The following EPB41L4A variants were observed in gnomAD, a reference collection of about 807,000 sequenced individuals.
The protein encoded by EPB41L4A is band 4.1-like protein 4A.
Under a neutral mutation model 108.6 loss-of-function variants are expected in EPB41L4A, and 100 were observed. That is an observed-to-expected ratio of 0.92 (90% CI 0.78 to 1.09). The LOEUF (loss-of-function observed/expected upper bound fraction) is 1.09. Among genes scored for constraint, EPB41L4A ranks in the 50% least tolerant of loss-of-function variants. EPB41L4A has a pLI of 0.00. For missense variants in EPB41L4A, 1,030 were observed against 842.7 expected (o/e 1.22, Z -2.75); for synonymous variants, 319 against 289.0 (o/e 1.10, Z -1.05).
chr5:112,146,208 C>T (rs1350973031), intron 12 of EPB41L4A, among the ~76,000 whole-genome samples: 2 of 152,186 alleles, frequency 1.3e-5, no homozygotes, highest in Non-Finnish European at 2.9e-5. Context: ...CAAACTTCTG[C>T]CTTTCAGCCA....
chr5:112,181,124 C>G (rs1580379697), intron 18 of EPB41L4A, among the ~76,000 whole-genome samples: 2 of 152,266 alleles, frequency 1.3e-5, no homozygotes, highest in South Asian at 2.1e-4. Context: ...AATGACCCAA[C>G]CTTTCTGGAA....
chr5:112,349,864 A>G (rs1029238770), intron 1 of EPB41L4A, among the ~76,000 whole-genome samples: 5 of 152,232 alleles, frequency 3.3e-5, no homozygotes, highest in African/African-American at 9.6e-5. Context: ...GAGTTAAAAA[A>G]TCTTGCAAAG....
chr5:112,339,820 G>A (rs1757195616), intron 1 of EPB41L4A, among the ~76,000 whole-genome samples: 1 of 152,012 alleles, frequency 6.6e-6, no homozygotes, highest in African/African-American at 2.4e-5. Context: ...ATAGGCGTGA[G>A]CCACCACGCT....
At chr5:112,271,692 G>A (rs542136939) in intron 4 of EPB41L4A, among the ~76,000 whole-genome samples, 1 of 152,334 alleles carries the variant, frequency 6.6e-6, no homozygotes, top group South Asian at 2.1e-4. Flanking sequence ...AATCAGAACT[G>A]AAAATAAGTT....
At chr5:112,233,519 C>T in intron 12 of EPB41L4A, among the ~76,000 whole-genome samples, 1 of 152,050 alleles carries the variant, frequency 6.6e-6, no homozygotes, top group East Asian at 1.9e-4. Context: ...TAACAAAGAA[C>T]CAACTGGATT....
intron 11 of EPB41L4A, 161 bp downstream of exon 11, chr5:112,239,499 G>A: frequency 2.3e-6 from 1 of 438,066 alleles, no homozygotes; most frequent in Non-Finnish European, 4.0e-6. Context: ...GGAAAATCAT[G>A]TTTGTTGAGA....
chr5:112,223,192 G>C (rs1281279161), intron 12 of EPB41L4A, among the ~76,000 whole-genome samples: 1 of 151,884 alleles, frequency 6.6e-6, no homozygotes, highest in Non-Finnish European at 1.5e-5. Flanking sequence ...TGCCCGCCTT[G>C]GCCTCCCAAA....
chr5:112,270,654 C>T (rs1752202265), intron 4 of EPB41L4A, among the ~76,000 whole-genome samples: 1 of 152,108 alleles, frequency 6.6e-6, no homozygotes, highest in African/African-American at 2.4e-5. Flanking sequence ...ACATGTAACC[C>T]TCAACTCTGA....
intron 18 of EPB41L4A, among the ~76,000 whole-genome samples, chr5:112,177,513 G>A (rs1760929592): frequency 6.6e-6 from 1 of 152,148 alleles, no homozygotes; most frequent in Non-Finnish European, 1.5e-5. Context: ...ACATTATGGA[G>A]ATTAAGCCAT....
At chr5:112,240,548 A>G (rs1645308004) in intron 10 of EPB41L4A, among the ~76,000 whole-genome samples, 171 bp downstream of exon 10, 1 of 152,252 alleles carries the variant, frequency 6.6e-6, no homozygotes, top group African/African-American at 2.4e-5. Context: ...ATATCTACAC[A>G]TACATGAATG....
At chr5:112,208,397 T>C (rs1435182800) in intron 13 of EPB41L4A, among the ~76,000 whole-genome samples, 1 of 151,682 alleles carries the variant, frequency 6.6e-6, no homozygotes, top group Non-Finnish European at 1.5e-5. Context: ...TACACAGCCA[T>C]AAAAAAGAAT....
chr5:112,261,555 T>G (rs1195198463), intron 7 of EPB41L4A, among the ~76,000 whole-genome samples: 1 of 152,198 alleles, frequency 6.6e-6, no homozygotes, highest in Non-Finnish European at 1.5e-5. Context: ...TGACATAGAA[T>G]AATCAATTGG....
chr5:112,157,280 T>C (rs1028389437), intron 12 of EPB41L4A, among the ~76,000 whole-genome samples: 4 of 152,208 alleles, frequency 2.6e-5, no homozygotes, highest in African/African-American at 9.7e-5. Flanking sequence ...GTCAGCTTTA[T>C]ATGGATTAAT....
chr5:112,342,254 C>T (rs576565263), intron 1 of EPB41L4A, among the ~76,000 whole-genome samples: 3 of 152,178 alleles, frequency 2.0e-5, no homozygotes, highest in Non-Finnish European at 4.4e-5. Flanking sequence ...AACATGCTAT[C>T]CCAAGTGGCT....
intron 1 of EPB41L4A, among the ~76,000 whole-genome samples, chr5:112,378,034 C>A (rs943208829): frequency 8.5e-5 from 13 of 152,106 alleles, no homozygotes; most frequent in East Asian, 5.8e-4. Flanking sequence ...TAAGATGCAA[C>A]CTTGGTTTTC....
chr5:112,367,714 C>A (rs1159483514), intron 1 of EPB41L4A, among the ~76,000 whole-genome samples: 2 of 152,212 alleles, frequency 1.3e-5, no homozygotes, highest in Non-Finnish European at 2.9e-5. Flanking sequence ...ATAAAAACAT[C>A]CATTCCTTCC....
At chr5:112,183,036 A>T (rs1761236363) in intron 18 of EPB41L4A, among the ~76,000 whole-genome samples, 1 of 152,200 alleles carries the variant, frequency 6.6e-6, no homozygotes, top group East Asian at 1.9e-4. Flanking sequence ...TTAATTTCTA[A>T]TTGAAAGGTA....
chr5:112,199,680 A>C (rs778047841), intron 15 of EPB41L4A, among the ~76,000 whole-genome samples: 3 of 152,162 alleles, frequency 2.0e-5, no homozygotes, highest in Non-Finnish European at 2.9e-5. Context: ...TGTCCCTTTC[A>C]AGCCTGTGAA....
intron 1 of EPB41L4A, among the ~76,000 whole-genome samples, chr5:112,356,640 A>C (rs142194669): frequency 9.0e-4 from 137 of 152,294 alleles, no homozygotes; most frequent in African/African-American, 3.2e-3. Flanking sequence ...CCTCTGCCAT[A>C]ATCTAGTCTC....
Sources: allele counts gnomAD v4.1 joint callset (sites outside exome capture counted in the v4.1 genomes callset), GRCh38; gene constraint gnomAD v4.1.1; transcripts MANE v1.5; gene names NCBI Gene and HGNC (gene_info 2026-07-23, HGNC 2026-07-21).